The following MYO1A variants were observed in gnomAD, a reference collection of about 807,000 sequenced individuals.
The protein encoded by MYO1A is unconventional myosin-Ia.
A neutral mutation model predicts 138.5 loss-of-function variants in MYO1A; 127 were observed. That is an observed-to-expected ratio of 0.92 (90% CI 0.79 to 1.06). The LOEUF is 1.06. Ranked by LOEUF, MYO1A falls within the 50% of genes least tolerant of loss-of-function variation. The probability of loss-of-function intolerance (pLI) is 0.00; values close to 1 mark genes in which losing one functional copy is unlikely to be tolerated. For missense variants in MYO1A, 1,211 were observed against 1,288.8 expected, an observed-to-expected ratio of 0.94 and a Z score of 0.92; for synonymous variants, 477 against 497.5, an observed-to-expected ratio of 0.96 and a Z score of 0.55.
rs147166068 is a variant in MYO1A at position 57,036,378 on chromosome 12, G to A, written c.2278C>T (p.Arg760Ter). ...CGGAAATATTTGCGATAATTCTTTC[G>A]GGCCTGGCAGAAAAGTACAAGAAAG... is the stretch of plus-strand genomic sequence containing the variant. ...IQAFVRGWKA[R>*]KNYRKYFRSE... Residue 760 changes from arginine (R) to a stop codon, truncating the protein, a stop_gained, in exon 22 of 28, where the codon CGA becomes TGA. Transcript: ENST00000300119. LOFTEE classifies it high-confidence loss of function. The A allele has an allele frequency of 1.4e-5, 23 of 1,613,698 alleles. No individual in the cohort carries two copies. Among genetic ancestry groups the A allele is most frequent in the East Asian group, 4.5e-5 (2 of 44,870 alleles).
At chr12:57,043,739 G>C (rs993429989) in intron 10 of MYO1A, 117 bp downstream of exon 10, 25 of 1,340,874 alleles carry the variant, frequency 1.9e-5, no homozygotes, top group Middle Eastern at 2.5e-4. Flanking sequence ...ACTCAGGAGT[G>C]GGCTGAGTGG....
rs145027196 is a variant in MYO1A at position 57,036,818 on chromosome 12, A to G, written c.2228T>C (p.Ile743Thr). The change falls in exon 21 of 28, where the codon ATA becomes ACA. Residue 743 changes from isoleucine to threonine, a missense_variant. Coordinates refer to ENST00000300119, the MANE Select transcript of MYO1A (RefSeq NM_005379.4). ...CTGGATCAATAACACGGATGCCTTTATCTTCCCATAGCATTTCTTTTGCTG... is the reference window on the plus strand; with the variant it reads ...CTGGATCAATAACACGGATGCCTTTGTCTTCCCATAGCATTTCTTTTGCTG... ...GNMQKKCYGK[I>T]KASVLLIQAF... is the part of the protein sequence containing the mutation. 6.6e-5 allele frequency: 107 copies of G among 1,614,228 alleles called. No homozygotes were observed. In the African/African-American group the frequency reaches 1.3e-3, roughly 19 times the overall value.
rs2030181070 is a variant in MYO1A at position 57,029,788 on chromosome 12, A to G, written c.2676T>C (p.Pro892=). Residue 892 remains proline, a synonymous_variant, in exon 25 of 28, where the codon CCT becomes CCC. Coordinates refer to ENST00000300119, the MANE Select transcript of MYO1A (RefSeq NM_005379.4). The part of the protein sequence containing the change: ...LQKLKGGEEG[P]VLMAEAVKKV... ...TCTTCACGGCCTCTGCCATCAGAAC[A>G]GGCCCCTCCTCCCCGCCTTTCAGCT... The G allele has an allele frequency of 3.1e-6, 5 of 1,614,130 alleles. No individual in the cohort carries two copies. Among genetic ancestry groups the G allele is most frequent in the Non-Finnish European group, 4.2e-6 (5 of 1,180,012 alleles).
rs537108955 is a variant in MYO1A, at chr12:57,040,266, T to C, written c.1269+918A>G. 3.3e-5 allele frequency among the ~76,000 whole-genome samples: 5 copies of C among 152,364 alleles called. 1 individual carries two copies. The South Asian group carries it at 6.2e-4, about 19-fold the overall frequency. The stretch of plus-strand genomic sequence containing the variant: ...AAAAAAGCATCCTTACATACTGACA[T>C]GGAAAGATCTCGTTACGTGATGACA... On this transcript the variant is annotated intron_variant, in intron 14 of 27. Coordinates refer to ENST00000300119, the MANE Select transcript of MYO1A (RefSeq NM_005379.4).
chr12:57,041,194 T>C lies in MYO1A; in HGVS notation c.1259A>G (p.Tyr420Cys), dbSNP rs142606281. ...EMTLKEEQEEYKREGIPWTKV... is the reference protein window; with the variant it reads ...EMTLKEEQEECKREGIPWTKV... ...AAAGACTTGGTTTACTTCTCTCTTATATTCCTCTTGCTCTTCTTTCAGGGT... is the reference window on the plus strand; with the variant it reads ...AAAGACTTGGTTTACTTCTCTCTTACATTCCTCTTGCTCTTCTTTCAGGGT... Residue 420 changes from tyrosine (Y) to cysteine (C), a missense_variant, in exon 14 of 28, where the codon TAT becomes TGT. By Grantham distance (194) the Tyr-to-Cys change is radical. Transcript: ENST00000300119. 1.2e-6 allele frequency: 2 copies of C among 1,612,666 alleles called. No individual in the cohort carries two copies. Among genetic ancestry groups the C allele is most frequent in the South Asian group, 2.2e-5 (2 of 91,036 alleles).
At position 57,047,714 on chromosome 12, in the gene MYO1A, A is replaced by C; in HGVS notation, c.238T>G (p.Leu80Val). 6.2e-7 allele frequency: 1 copy of C among 1,614,130 alleles called. No individual in the cohort carries two copies. Among genetic ancestry groups the C allele is most frequent in the Non-Finnish European group, 8.5e-7 (1 of 1,180,016 alleles). ...FYELKPHIYA[L>V]ANVAYQSLRD... ...AGTGACTGGTACGCCACATTTGCCAATGCGTAGCTTGTGGGGAGGAAGTGG... is the reference window on the plus strand; with the variant it reads ...AGTGACTGGTACGCCACATTTGCCACTGCGTAGCTTGTGGGGAGGAAGTGG... Residue 80 changes from leucine to valine, a missense_variant, in exon 4 of 28, where the codon TTG becomes GTG. By Grantham distance (32) the Leu-to-Val change is conservative. Transcript: ENST00000300119.
Position 57,037,076 on chromosome 12 carries a change from C to A in MYO1A, c.2071G>T (p.Glu691Ter), listed in dbSNP as rs1320344552. ...TGCTGGAGTCTCAGGCGCCTCTGTT[C>A]TTCGAGGTAGAAAAGCTGTGGAGAG... is the stretch of plus-strand genomic sequence containing the variant. ...RSPKTLFYLE[E>*]QRRLRLQQLA... The change falls in exon 20 of 28, where the codon GAA becomes TAA. Residue 691 changes from glutamate (E) to a stop codon, truncating the protein, a stop_gained. Coordinates refer to ENST00000300119, the MANE Select transcript of MYO1A (RefSeq NM_005379.4). LOFTEE classifies it high-confidence loss of function. 1 of 1,614,142 alleles carries A rather than the reference C, an allele frequency of 6.2e-7. No individual in the cohort carries two copies.
At position 57,041,493 on chromosome 12, in the gene MYO1A, C is replaced by G. The variant is rs768971875; in HGVS notation, c.1103G>C (p.Gly368Ala). 6.2e-7 allele frequency: 1 copy of G among 1,612,444 alleles called. No homozygotes were observed. Among genetic ancestry groups the G allele is most frequent in the Non-Finnish European group, 8.5e-7 (1 of 1,178,606 alleles). Residue 368 changes from glycine to alanine, a missense_variant, in exon 13 of 28, where the codon GGC (glycine) becomes GCC (alanine). By Grantham distance (60) the Gly-to-Ala change is moderately conservative. Coordinates refer to ENST00000300119, the MANE Select transcript of MYO1A (RefSeq NM_005379.4). The stretch of plus-strand genomic sequence containing the variant: ...CATTACCTTCTTCTTTTCCCCGATG[C>G]CCACCTGAAGAGGAGAGAAAGATAA... ...VNRINESIKV[G>A]IGEKKKVMGV... is the part of the protein sequence containing the mutation.
intron 21 of MYO1A, 69 bp downstream of exon 21, chr12:57,036,697 TCTGCTG>T: frequency 6.5e-7 from 1 of 1,549,876 alleles, no homozygotes; most frequent in Non-Finnish European, 8.9e-7. Context: ...GGACTAGCTC[TCTGCTG>T]CTCTAGCCAG....
Position 57,046,556 on chromosome 12 carries a change from C to T in MYO1A, c.636G>A (p.Leu212=). ...TTTCCCCATGCAGGCACATACTCAG[C>T]AGCTGTTCATCTGCTCCAGCCAGCA... The part of the protein sequence containing the change: ...YQLLAGADEQ[L]LKALKLERDT... The change falls in exon 8 of 28, where the codon CTG becomes CTA. Residue 212 remains leucine (L), a synonymous_variant. Coordinates refer to ENST00000300119, the MANE Select transcript of MYO1A (RefSeq NM_005379.4). 2 of 1,613,340 alleles carry T rather than the reference C, an allele frequency of 1.2e-6. No homozygotes were observed. The highest frequency in any genetic ancestry group is 2.7e-5 in the African/African-American group (2 of 74,986).
intron 14 of MYO1A, among the ~76,000 whole-genome samples, chr12:57,039,716 A>G (rs1396689792): frequency 2.6e-5 from 4 of 152,212 alleles, no homozygotes; most frequent in Non-Finnish European, 5.9e-5. Context: ...ATCTTCAAAG[A>G]TCTACATCAG....
At chr12:57,043,428 T>A in intron 10 of MYO1A, 70 bp from the exon 11 acceptor site, 3 of 1,417,100 alleles carry the variant, frequency 2.1e-6, no homozygotes, top group Non-Finnish European at 3.0e-6. Context: ...TGCAATCTGA[T>A]AAGTGAAACT....
chr12:57,046,852 G>A lies in MYO1A; in HGVS notation c.541+11C>T. ...TGGAAGACAGGTGAGTGGAATTGGGGAGACACGTACAGTTTGTGATGACAC... is the reference window on the plus strand; with the variant it reads ...TGGAAGACAGGTGAGTGGAATTGGGAAGACACGTACAGTTTGTGATGACAC... On this transcript the variant is annotated intron_variant, in intron 7 of 27. Coordinates refer to ENST00000300119, the MANE Select transcript of MYO1A (RefSeq NM_005379.4). 6.2e-7 allele frequency: 1 copy of A among 1,613,784 alleles called. No individual in the cohort carries two copies. Among genetic ancestry groups the A allele is most frequent in the Non-Finnish European group, 8.5e-7 (1 of 1,179,700 alleles).
At chr12:57,032,903 A>G (rs995236634) in intron 22 of MYO1A, among the ~76,000 whole-genome samples, 1 of 152,228 alleles carries the variant, frequency 6.6e-6, no homozygotes, top group Non-Finnish European at 1.5e-5. Context: ...AAAGTTGAAA[A>G]AAGATACAAT....
Position 57,043,483 on chromosome 12 carries a change from C to T in MYO1A, c.893-125G>A, listed in dbSNP as rs1253176409. On this transcript the variant is annotated intron_variant, in intron 10 of 27. Transcript: ENST00000300119. ...TGGGGTCTCACTGGAGAAGTCATTG[C>T]AGCCAACCCAGAACATGGCCCTGGA... The T allele has an allele frequency of 8.8e-6, 8 of 909,148 alleles. No individual in the cohort carries two copies. In the East Asian group the frequency reaches 1.7e-4, roughly 20 times the overall value. 56.3% of individuals were successfully genotyped at this position (909,148 alleles called of 1,614,324 possible).
In MYO1A at chr12:57,029,217, C is replaced by T. The variant is rs370708976; in HGVS notation, c.2920G>A (p.Glu974Lys). The T allele has an allele frequency of 3.9e-4, 637 of 1,614,166 alleles. 6 individuals carry two copies. The South Asian group carries it at 6.6e-3, about 17-fold the overall frequency. ...GSKGDFLLVS[E>K]HVIELLTKMY... ...TTGGTCAGCAGTTCAATCACATGCT[C>T]GCTGACCAGCAGGAAGTCCCCCTTG... is the stretch of plus-strand genomic sequence containing the variant. The change falls in exon 27 of 28, where the codon GAG becomes AAG. Residue 974 changes from glutamate to lysine, a missense_variant. Glu to Lys is a moderately conservative substitution (Grantham distance 56). Transcript: ENST00000300119.
chr12:57,031,625 G>T (rs1024262679), intron 22 of MYO1A, among the ~76,000 whole-genome samples: 2 of 152,162 alleles, frequency 1.3e-5, no homozygotes, highest in Non-Finnish European at 2.9e-5. Flanking sequence ...AAAGGAAGAA[G>T]GAGCAAATAA....
rs538583498 is a variant in MYO1A, at chr12:57,038,421, T to C, written c.1751A>G (p.Asn584Ser). 37 of 1,614,158 alleles carry C rather than the reference T, an allele frequency of 2.3e-5. No homozygotes were observed. The highest frequency in any genetic ancestry group is 1.1e-4 in the African/African-American group (8 of 75,038). Residue 584 changes from asparagine (N) to serine (S), a missense_variant, in exon 17 of 28, where the codon AAC becomes AGC. Transcript: ENST00000300119. Reference sequence around the variant, plus strand: ...CATGCCAGCATGTCACCTGATGTAGTTGGGGCTCTTGGAATACAGATTCTT... The same window carrying C: ...CATGCCAGCATGTCACCTGATGTAGCTGGGGCTCTTGGAATACAGATTCTT... Reference protein sequence around the residue: ...LMKNLYSKSPNYIRCIKPNEH... With the variant: ...LMKNLYSKSPSYIRCIKPNEH...
In MYO1A at chr12:57,029,572, G is replaced by A; in HGVS notation, c.2740C>T (p.Leu914Phe). 1 of 1,614,246 alleles carries A rather than the reference G, an allele frequency of 6.2e-7. No homozygotes were observed. Among genetic ancestry groups the A allele is most frequent in the Non-Finnish European group, 8.5e-7 (1 of 1,180,048 alleles). ...RGNGKTSSRI[L>F]LLTKGHVILT... ...ATCACATGGCCCTTGGTCAGGAGGAGAATCCGAGAAGAAGTCTAGGGACGG... is the reference window on the plus strand; with the variant it reads ...ATCACATGGCCCTTGGTCAGGAGGAAAATCCGAGAAGAAGTCTAGGGACGG... Residue 914 changes from leucine (L) to phenylalanine (F), a missense_variant, in exon 26 of 28, where the codon CTC becomes TTC. By Grantham distance (22) the Leu-to-Phe change is conservative. Coordinates refer to ENST00000300119, the MANE Select transcript of MYO1A (RefSeq NM_005379.4).
Sources: allele counts gnomAD v4.1 joint callset (sites outside exome capture counted in the v4.1 genomes callset), GRCh38; gene constraint gnomAD v4.1.1; transcripts MANE v1.5; gene names NCBI Gene and HGNC (gene_info 2026-07-23, HGNC 2026-07-21).